Variants in PDE8B observed in about 807,000 individuals in gnomAD.
PDE8B encodes high affinity cAMP-specific and IBMX-insensitive 3',5'-cyclic phosphodiesterase 8B.
In PDE8B, 26 loss-of-function variants were observed where a neutral mutation model predicts 101.3. That is an observed-to-expected ratio of 0.26 (90% confidence interval 0.19 to 0.36). The LOEUF (loss-of-function observed/expected upper bound fraction) is 0.36, where lower values mean the gene tolerates loss of function less well. Ranked by LOEUF, PDE8B falls within the 10% of genes least tolerant of loss-of-function variation. The pLI, the probability that PDE8B is intolerant of heterozygous loss-of-function variation, is 1.00. For missense variants in PDE8B, 810 were observed against 1,163.1 expected (o/e 0.70, Z 4.42); for synonymous variants, 424 against 429.3 (o/e 0.99, Z 0.15).
At chr5:77,095,337 A>G in the PDE8B span, among the ~76,000 whole-genome samples, 3 of 152,186 alleles carry the variant, frequency 2.0e-5, no homozygotes. Flanking sequence ...TTGCCTGTGT[A>G]ACTTTCTTCT....
chr5:77,380,059 T>C (rs900315315), intron 10 of PDE8B, among the ~76,000 whole-genome samples: 1 of 152,232 alleles, frequency 6.6e-6, no homozygotes, highest in African/African-American at 2.4e-5. Flanking sequence ...ACAGTGATTA[T>C]TTAAGTGAAT....
chr5:77,158,107 T>C, the PDE8B span, among the ~76,000 whole-genome samples: 2 of 152,200 alleles, frequency 1.3e-5, no homozygotes, highest in South Asian at 4.1e-4. Context: ...ATGCAGCTAG[T>C]AAGTGGCAGA....
At chr5:77,101,776 A>G in the PDE8B span, among the ~76,000 whole-genome samples, 1 of 152,248 alleles carries the variant, frequency 6.6e-6, no homozygotes, top group Admixed American at 6.5e-5. Context: ...CACTAAAAAC[A>G]TATACTGTGT....
intron 9 of PDE8B, among the ~76,000 whole-genome samples, chr5:77,351,795 G>A (rs1781168415): frequency 6.6e-6 from 1 of 152,120 alleles, no homozygotes; most frequent in African/African-American, 2.4e-5. Context: ...CCAGCCTGAA[G>A]GTCAACACCA....
At chr5:77,339,396 C>T (rs1778795023) in intron 6 of PDE8B, among the ~76,000 whole-genome samples, 1 of 152,162 alleles carries the variant, frequency 6.6e-6, no homozygotes, top group Admixed American at 6.5e-5. Flanking sequence ...TCAGCTGTTG[C>T]TTTTTGGTGG....
At chr5:77,371,199 C>T (rs980335933) in intron 10 of PDE8B, among the ~76,000 whole-genome samples, 1 of 151,972 alleles carries the variant, frequency 6.6e-6, no homozygotes, top group Non-Finnish European at 1.5e-5. Context: ...CTTTACCTAC[C>T]CTCAAGTCAG....
the PDE8B span, among the ~76,000 whole-genome samples, chr5:77,171,646 T>G: frequency 5.3e-5 from 8 of 152,084 alleles, no homozygotes; most frequent in South Asian, 1.7e-3. Context: ...AGGAAACAGG[T>G]GAGGGCTTAT....
chr5:77,176,904 C>A, the PDE8B span, among the ~76,000 whole-genome samples: 46,055 of 152,004 alleles, frequency 0.3, 7,642 homozygotes, highest in Non-Finnish European at 0.36. Flanking sequence ...CTTCACTATG[C>A]GATTTTAGAT....
intron 10 of PDE8B, among the ~76,000 whole-genome samples, chr5:77,397,706 C>T (rs1356239155): frequency 6.6e-6 from 1 of 152,144 alleles, no homozygotes; most frequent in Non-Finnish European, 1.5e-5. Flanking sequence ...AGGAACAGGG[C>T]CAAGAAAGCA....
At chr5:77,300,041 C>T (rs946392273) in intron 1 of PDE8B, among the ~76,000 whole-genome samples, 2 of 152,188 alleles carry the variant, frequency 1.3e-5, no homozygotes, top group East Asian at 1.9e-4. Context: ...GATGCTAGAC[C>T]GTGGTCAGAG....
At chr5:77,117,649 G>A in the PDE8B span, among the ~76,000 whole-genome samples, 2 of 152,134 alleles carry the variant, frequency 1.3e-5, no homozygotes, top group Non-Finnish European at 2.9e-5. Context: ...ACCAGACAGC[G>A]AGGCTGGTGA....
intron 5 of PDE8B, 29 bp from the exon 6 acceptor site, chr5:77,337,187 ATTATATATGTC>A (rs757811933): frequency 1.8e-6 from 2 of 1,095,616 alleles, no homozygotes; most frequent in Non-Finnish European, 2.8e-6. Flanking sequence ...CTAAGAAGTA[ATTATATATGTC>A]TTATGTATTG....
At chr5:77,181,263 C>T in the PDE8B span, among the ~76,000 whole-genome samples, 1 of 152,152 alleles carries the variant, frequency 6.6e-6, no homozygotes, top group Admixed American at 6.5e-5. Flanking sequence ...AAGGGTCCCA[C>T]GCTGCGGGGT....
chr5:77,303,358 G>A (rs915776651), intron 1 of PDE8B, among the ~76,000 whole-genome samples: 3 of 152,060 alleles, frequency 2.0e-5, no homozygotes, highest in Middle Eastern at 6.8e-3. Flanking sequence ...TGGGCAACAC[G>A]GTGAAACCCC....
At chr5:77,142,626 G>A in the PDE8B span, among the ~76,000 whole-genome samples, 1 of 152,086 alleles carries the variant, frequency 6.6e-6, no homozygotes, top group East Asian at 1.9e-4. Flanking sequence ...ACAATCTGGG[G>A]CATATAATCT....
intron 1 of PDE8B, among the ~76,000 whole-genome samples, chr5:77,238,675 T>C (rs1755161150): frequency 6.6e-6 from 1 of 152,202 alleles, no homozygotes; most frequent in Non-Finnish European, 1.5e-5. Flanking sequence ...CAGAGAATTC[T>C]CATGATCTGA....
At position 77,412,252 on chromosome 5, in the gene PDE8B, G is replaced by A; in HGVS notation, c.1712+17G>A. On this transcript the variant is annotated intron_variant, in intron 16 of 21. Coordinates refer to ENST00000264917, the MANE Select transcript of PDE8B (RefSeq NM_003719.5). ...GCATAAAAGGTATGTGACTTCTCTG[G>A]CTGAAGGCAGAGCAGGATTGATGGC... 2.5e-6 allele frequency: 4 copies of A among 1,613,056 alleles called. No individual in the cohort carries two copies. Among genetic ancestry groups the A allele is most frequent in the Non-Finnish European group, 3.4e-6 (4 of 1,179,202 alleles).
chr5:77,413,498 C>T (rs1304757235), intron 17 of PDE8B, among the ~76,000 whole-genome samples, 189 bp downstream of exon 17: 2 of 152,112 alleles, frequency 1.3e-5, no homozygotes, highest in Non-Finnish European at 2.9e-5. Context: ...CCAGCCCTCC[C>T]CTCCTCCAAA....
chr5:77,157,464 G>C, the PDE8B span, among the ~76,000 whole-genome samples: 1 of 152,154 alleles, frequency 6.6e-6, no homozygotes. Flanking sequence ...GGCCAGCTCT[G>C]CTCTGTATAG....
Sources: allele counts gnomAD v4.1 joint callset (sites outside exome capture counted in the v4.1 genomes callset), GRCh38; gene constraint gnomAD v4.1.1; transcripts MANE v1.5; gene names NCBI Gene and HGNC (gene_info 2026-07-23, HGNC 2026-07-21).